Variants in ELMOD2 observed in about 807,000 individuals in gnomAD.
The protein encoded by ELMOD2 is ELMO domain-containing protein 2.
Under a neutral mutation model 41.0 loss-of-function variants are expected in ELMOD2, and 28 were observed. The ratio of observed to expected loss-of-function variants is 0.68; its 90% CI spans 0.51 to 0.94. The LOEUF (loss-of-function observed/expected upper bound fraction) is 0.94. ELMOD2 is among the 40% of genes least tolerant of loss of function. ELMOD2 has a pLI of 0.00. For missense variants in ELMOD2, 333 were observed against 343.1 expected, an observed-to-expected ratio of 0.97 and a Z score of 0.23; for synonymous variants, 106 against 107.2, an observed-to-expected ratio of 0.99 and a Z score of 0.07.
intron 5 of ELMOD2, among the ~76,000 whole-genome samples, chr4:140,538,819 A>G (rs1311057937): frequency 6.6e-6 from 1 of 152,232 alleles, no homozygotes; most frequent in African/African-American, 2.4e-5. Context: ...TTTACTATGT[A>G]CACTCCAAAG....
rs748337341 is a variant in ELMOD2 at position 140,535,685 on chromosome 4, T to C, written c.172-48T>C. On this transcript the variant is annotated intron_variant, in intron 3 of 8. Coordinates refer to ENST00000323570, the MANE Select transcript of ELMOD2 (RefSeq NM_153702.4). ...TTAAATGTCTCACAACTATGTCTTT[T>C]TCAGCTACAAAGAATTTTTCTCATT... The C allele has an allele frequency of 1.2e-5, 19 of 1,528,184 alleles. No homozygotes were observed. In the East Asian group the frequency reaches 3.6e-4, roughly 29 times the overall value. 94.7% of individuals were successfully genotyped at this position (1,528,184 alleles called of 1,614,324 possible). A position where few individuals can be genotyped will look rare whatever the true frequency, so the allele number is the denominator to read the frequency against.
intron 5 of ELMOD2, among the ~76,000 whole-genome samples, chr4:140,538,691 C>A (rs1443491404): frequency 6.6e-6 from 1 of 152,018 alleles, no homozygotes; most frequent in African/African-American, 2.4e-5. Flanking sequence ...CTTGGTGCTT[C>A]ATGGTGAAAT....
At chr4:140,533,908 CAGTG>C (rs1002573653) in intron 3 of ELMOD2, among the ~76,000 whole-genome samples, 2 of 151,998 alleles carry the variant, frequency 1.3e-5, no homozygotes, top group South Asian at 2.1e-4. Context: ...ATTAAAATCA[CAGTG>C]AGAAGACACT....
chr4:140,535,016 T>G (rs1734868699), intron 3 of ELMOD2, among the ~76,000 whole-genome samples: 1 of 152,210 alleles, frequency 6.6e-6, no homozygotes, highest in African/African-American at 2.4e-5. Flanking sequence ...GTACTCATAT[T>G]ATCTCAGGAT....
intron 1 of ELMOD2, 64 bp from the exon 2 acceptor site, chr4:140,525,356 C>CTAATT: frequency 6.7e-7 from 1 of 1,498,352 alleles, no homozygotes; most frequent in South Asian, 1.3e-5. Flanking sequence ...GTTGTATAAA[C>CTAATT]TTTTTAAATT....
chr4:140,527,554 A>G, intron 3 of ELMOD2, 60 bp downstream of exon 3: 1 of 1,443,358 alleles, frequency 6.9e-7, no homozygotes, highest in Non-Finnish European at 9.4e-7. Context: ...TTTTTCTTAA[A>G]AAAAAAAAAG....
rs940870917 is a variant in ELMOD2, at chr4:140,553,116, AATT to A, written c.*2742_*2744del. ...CTCTTCACTTTTGTTCCAGTACTAT[AATT>A]GCTCATGCACTCTTTCTCCCCTTTG... On this transcript the variant is annotated 3_prime_UTR_variant, in exon 9 of 9. Coordinates refer to ENST00000323570, the MANE Select transcript of ELMOD2 (RefSeq NM_153702.4). The A allele has an allele frequency of 6.6e-6, 1 of 152,146 alleles. No individual in the cohort carries two copies. Among genetic ancestry groups the A allele is most frequent in the Admixed American group, 6.5e-5 (1 of 15,268 alleles). The allele number at this position is 152,146 out of a possible 1,614,324, so 9.4% of individuals were successfully genotyped here.
chr4:140,550,254 A>C lies in ELMOD2; in HGVS notation c.761A>C (p.Lys254Thr). The C allele has an allele frequency of 6.2e-7, 1 of 1,610,146 alleles. No individual in the cohort carries two copies. Among genetic ancestry groups the C allele is most frequent in the Non-Finnish European group, 8.5e-7 (1 of 1,178,140 alleles). ...FYCYLVYEFD[K>T]FWFEEEPESI... ...GGTTATCTTGTCTATGAATTTGACA[A>C]GTTTTGGTTTGAAGAAGAACCAGAA... Residue 254 changes from lysine (K) to threonine (T), a missense_variant, in exon 9 of 9, where the codon AAG becomes ACG. Physicochemically the swap from Lys to Thr is moderately conservative, Grantham distance 78. Transcript: ENST00000323570.
At position 140,543,604 on chromosome 4, in the gene ELMOD2, T is replaced by G; in HGVS notation, c.736+18T>G. The G allele has an allele frequency of 6.4e-7, 1 of 1,553,752 alleles. No homozygotes were observed. The highest frequency in any genetic ancestry group is 8.7e-7 in the Non-Finnish European group (1 of 1,154,738). On this transcript the variant is annotated intron_variant, in intron 8 of 8. Transcript: ENST00000323570. ...GTTTTACTGTGAGTATTAAAATGAG[T>G]TAAAACTAGATCTTTCTAAGATAAT...
rs1553960553 is a variant in ELMOD2, at chr4:140,525,403, A to T, written c.-9-17A>T. 1 of 1,610,134 alleles carries T rather than the reference A, an allele frequency of 6.2e-7. No individual in the cohort carries two copies. ...TTTAAGGTCATTAAGCTTGTCTTGT[A>T]TGTTTCCCTCCTCCAGGAAAAAAAA... On this transcript the variant is annotated splice_polypyrimidine_tract_variant and intron_variant, in intron 1 of 8. Coordinates refer to ENST00000323570, the MANE Select transcript of ELMOD2 (RefSeq NM_153702.4).
intron 2 of ELMOD2, among the ~76,000 whole-genome samples, chr4:140,527,186 G>T (rs1184392036): frequency 2.6e-5 from 4 of 152,186 alleles, no homozygotes; most frequent in Admixed American, 2.6e-4. Flanking sequence ...ATTTGCAGTG[G>T]TTAGTAGACA....
intron 7 of ELMOD2, 146 bp from the exon 8 acceptor site, chr4:140,543,307 G>T (rs998272693): frequency 5.0e-6 from 4 of 802,720 alleles, no homozygotes; most frequent in Non-Finnish European, 7.4e-6. Context: ...ATTCTTTCTA[G>T]TATATTTTTC....
At chr4:140,548,161 C>T (rs1735352211) in intron 8 of ELMOD2, among the ~76,000 whole-genome samples, 1 of 152,060 alleles carries the variant, frequency 6.6e-6, no homozygotes, top group Admixed American at 6.6e-5. Context: ...GGCCACATTA[C>T]TGACAGTAAT....
At chr4:140,550,015 G>A (rs185188263) in intron 8 of ELMOD2, among the ~76,000 whole-genome samples, 84 of 152,106 alleles carry the variant, frequency 5.5e-4, no homozygotes, top group African/African-American at 1.8e-3. Context: ...AAACTTGAGG[G>A]ACGTTGTTGA....
chr4:140,550,562 C>A lies in ELMOD2; in HGVS notation c.*187C>A. The A allele has an allele frequency of 1.9e-6, 1 of 519,020 alleles. No individual in the cohort carries two copies. Among genetic ancestry groups the A allele is most frequent in the Non-Finnish European group, 3.1e-6 (1 of 325,548 alleles). The allele number at this position is 519,020 out of a possible 1,614,324, so 32.2% of individuals were successfully genotyped here. On this transcript the variant is annotated 3_prime_UTR_variant, in exon 9 of 9. Coordinates refer to ENST00000323570, the MANE Select transcript of ELMOD2 (RefSeq NM_153702.4). Reference sequence around the variant, plus strand: ...TTACAATTGTTTATACACTGTTCTCCAAAGGTACCTTATCCTTCCAAAGAT... The same window carrying A: ...TTACAATTGTTTATACACTGTTCTCAAAAGGTACCTTATCCTTCCAAAGAT...
intron 8 of ELMOD2, among the ~76,000 whole-genome samples, chr4:140,546,313 A>T (rs892436627): frequency 6.6e-6 from 1 of 151,734 alleles, no homozygotes; most frequent in Non-Finnish European, 1.5e-5. Context: ...AGAAAGGGGA[A>T]TATCACACAC....
intron 8 of ELMOD2, among the ~76,000 whole-genome samples, chr4:140,547,983 T>G (rs1381254230): frequency 6.6e-6 from 1 of 152,210 alleles, no homozygotes; most frequent in Admixed American, 6.5e-5. Flanking sequence ...TTCCTGTGGT[T>G]TCCTGATGTC....
At chr4:140,527,613 C>G in intron 3 of ELMOD2, 119 bp downstream of exon 3, 1 of 792,858 alleles carries the variant, frequency 1.3e-6, no homozygotes, top group Non-Finnish European at 2.0e-6. Context: ...GTGAAATTTT[C>G]CCCGTTTAGA....
chr4:140,537,608 TAA>T (rs1464542445), intron 5 of ELMOD2, 67 bp downstream of exon 5: 1 of 1,564,170 alleles, frequency 6.4e-7, no homozygotes, highest in African/African-American at 1.4e-5. Context: ...TTCAGCTAAG[TAA>T]AGTCTGCAAA....
Sources: allele counts gnomAD v4.1 joint callset (sites outside exome capture counted in the v4.1 genomes callset), GRCh38; gene constraint gnomAD v4.1.1; transcripts MANE v1.5; gene names NCBI Gene and HGNC (gene_info 2026-07-23, HGNC 2026-07-21).